The following ALDH1A1 variants were observed in gnomAD, a reference collection of about 807,000 sequenced individuals.
ALDH1A1 encodes aldehyde dehydrogenase 1A1.
ALDH1A1 carries 19 observed loss-of-function variants against 62.1 expected under a neutral mutation model. The observed-to-expected ratio is 0.31, with a 90% CI of 0.21 to 0.45. The LOEUF (loss-of-function observed/expected upper bound fraction) is 0.45. ALDH1A1 is among the 20% of genes least tolerant of loss of function. The probability of loss-of-function intolerance (pLI) is 1.00; values close to 1 mark genes in which losing one functional copy is unlikely to be tolerated. For missense variants in ALDH1A1, 521 were observed against 607.1 expected, an observed-to-expected ratio of 0.86 and a Z score of 1.49; for synonymous variants, 231 against 215.9, an observed-to-expected ratio of 1.07 and a Z score of -0.61.
intron 9 of ALDH1A1, among the ~76,000 whole-genome samples, chr9:72,914,206 T>A (rs1021428578): frequency 6.6e-6 from 1 of 152,130 alleles, no homozygotes; most frequent in Non-Finnish European, 1.5e-5. Context: ...GAAGATGAAT[T>A]GGGAAAAAGC....
At position 72,927,283 on chromosome 9, in the gene ALDH1A1, A is replaced by G. The variant is rs577315985; in HGVS notation, c.443-106T>C. The G allele has an allele frequency of 5.0e-5, 40 of 800,946 alleles. No homozygotes were observed. In the East Asian group the frequency reaches 7.6e-4, roughly 15 times the overall value. The allele number at this position is 800,946 out of a possible 1,614,324, so 49.6% of individuals were successfully genotyped here. ...AGGTGTAGACAATAATTTTAAAAAC[A>G]TATATCTGGCCAGGTGTGGTGGCTC... is the stretch of plus-strand genomic sequence containing the variant. On this transcript the variant is annotated intron_variant, in intron 4 of 12. Coordinates refer to ENST00000297785, the MANE Select transcript of ALDH1A1 (RefSeq NM_000689.5).
intron 4 of ALDH1A1, among the ~76,000 whole-genome samples, chr9:72,928,261 C>T (rs1830235834): frequency 1.3e-5 from 2 of 152,046 alleles, no homozygotes; most frequent in South Asian, 4.1e-4. Flanking sequence ...TCATGTTTCA[C>T]ATGAAATATC....
chr9:72,909,835 T>A, intron 10 of ALDH1A1, 76 bp from the exon 11 acceptor site: 1 of 1,254,912 alleles, frequency 8.0e-7, no homozygotes, highest in Middle Eastern at 2.9e-4. Flanking sequence ...AGATTTTTTT[T>A]CCTACACGCT....
At chr9:72,907,125 G>A (rs1426817941) in intron 11 of ALDH1A1, among the ~76,000 whole-genome samples, 9 of 152,208 alleles carry the variant, frequency 5.9e-5, no homozygotes, top group East Asian at 1.9e-4. Flanking sequence ...CCCAGTTCCC[G>A]AAGTTCCACA....
chr9:72,910,763 T>C (rs1189842200), intron 10 of ALDH1A1, among the ~76,000 whole-genome samples: 1 of 152,156 alleles, frequency 6.6e-6, no homozygotes, highest in African/African-American at 2.4e-5. Flanking sequence ...ACCACTGATT[T>C]AAATGTTAGA....
At chr9:72,906,152 C>G (rs573959662) in intron 11 of ALDH1A1, 120 bp from the exon 12 acceptor site, 64 of 623,704 alleles carry the variant, frequency 1.0e-4, no homozygotes, top group Middle Eastern at 2.6e-4. Flanking sequence ...TTATAACATA[C>G]TCATCTTGAT....
intron 11 of ALDH1A1, among the ~76,000 whole-genome samples, 155 bp downstream of exon 11, chr9:72,909,447 C>A (rs374649223): frequency 6.6e-6 from 1 of 152,084 alleles, no homozygotes; most frequent in South Asian, 2.1e-4. Flanking sequence ...CATGAGCCAC[C>A]GCACCCAGCC....
intron 10 of ALDH1A1, among the ~76,000 whole-genome samples, chr9:72,910,702 C>G (rs575177244): frequency 1.3e-5 from 2 of 152,164 alleles, no homozygotes; most frequent in East Asian, 3.9e-4. Context: ...TCTGGGAAAT[C>G]TGAATGAAGG....
chr9:72,905,058 C>T (rs1012566454), intron 12 of ALDH1A1, among the ~76,000 whole-genome samples: 7 of 152,086 alleles, frequency 4.6e-5, no homozygotes, highest in African/African-American at 1.4e-4. Context: ...TGTTAGAGTA[C>T]GGTACTCAAC....
chr9:72,933,603 A>G (rs1366885034), intron 2 of ALDH1A1, among the ~76,000 whole-genome samples: 62 of 104,428 alleles, frequency 5.9e-4, no homozygotes, highest in Non-Finnish European at 7.5e-4. Flanking sequence ...AAAAAAAAAA[A>G]AAAAAAAAAA....
At chr9:72,913,962 T>C (rs541004771) in intron 9 of ALDH1A1, among the ~76,000 whole-genome samples, 1 of 152,324 alleles carries the variant, frequency 6.6e-6, no homozygotes, top group South Asian at 2.1e-4. Context: ...ATACAGACCT[T>C]CTTCAGAAGG....
At chr9:72,950,025 A>C (rs1830525022) in intron 1 of ALDH1A1, among the ~76,000 whole-genome samples, 1 of 151,742 alleles carries the variant, frequency 6.6e-6, no homozygotes. Context: ...GTGACAGAAA[A>C]GCTAGGAGAA....
intron 1 of ALDH1A1, among the ~76,000 whole-genome samples, chr9:72,940,556 A>C (rs913433609): frequency 6.6e-6 from 1 of 152,226 alleles, no homozygotes. Context: ...GAGGCAAAGC[A>C]AAGGCTTTTG....
chr9:72,906,963 C>G (rs549992113), intron 11 of ALDH1A1, among the ~76,000 whole-genome samples: 1 of 152,048 alleles, frequency 6.6e-6, no homozygotes, highest in Non-Finnish European at 1.5e-5. Flanking sequence ...CATAGCAAAC[C>G]CTTGCCTCTA....
chr9:72,930,728 A>T, intron 3 of ALDH1A1, 151 bp downstream of exon 3: 1 of 765,324 alleles, frequency 1.3e-6, no homozygotes, highest in South Asian at 2.1e-5. Flanking sequence ...GAATAGTTCA[A>T]TGTTAAGGGG....
intron 1 of ALDH1A1, among the ~76,000 whole-genome samples, chr9:72,941,347 T>C (rs1208201013): frequency 6.6e-6 from 1 of 152,142 alleles, no homozygotes; most frequent in African/African-American, 2.4e-5. Flanking sequence ...TATTAAAAAT[T>C]CCCCGGTGAT....
At chr9:72,907,485 C>T (rs1040141078) in intron 11 of ALDH1A1, among the ~76,000 whole-genome samples, 2 of 152,172 alleles carry the variant, frequency 1.3e-5, no homozygotes, top group Non-Finnish European at 2.9e-5. Flanking sequence ...CAAGCTTCAT[C>T]AAACAAGCAT....
chr9:72,922,666 T>A (rs1287103107), intron 7 of ALDH1A1, among the ~76,000 whole-genome samples: 1 of 152,220 alleles, frequency 6.6e-6, no homozygotes, highest in African/African-American at 2.4e-5. Flanking sequence ...TGGACAGACC[T>A]CAACAGGCAC....
chr9:72,907,495 TG>T (rs770315300), intron 11 of ALDH1A1, among the ~76,000 whole-genome samples: 30 of 152,208 alleles, frequency 2.0e-4, no homozygotes, highest in Non-Finnish European at 4.0e-4. Flanking sequence ...CAAACAAGCA[TG>T]GAACATTCTG....
Sources: gnomAD v4.1 joint callset for allele counts (sites outside exome capture counted in the v4.1 genomes callset) on GRCh38, gnomAD v4.1.1 for gene constraint, MANE v1.5 for transcripts, NCBI Gene and HGNC (gene_info 2026-07-23, HGNC 2026-07-21) for gene names.